Variants in CFAP44 observed in about 807,000 individuals in gnomAD.
CFAP44 encodes cilia- and flagella-associated protein 44.
A neutral mutation model predicts 216.2 loss-of-function variants in CFAP44; 134 were observed. The ratio of observed to expected loss-of-function variants is 0.62; its 90% CI spans 0.54 to 0.72. The LOEUF (loss-of-function observed/expected upper bound fraction) is 0.72, where lower values mean the gene tolerates loss of function less well. Ranked by LOEUF, CFAP44 falls within the 30% of genes least tolerant of loss-of-function variation. The pLI is 0.00. For missense variants in CFAP44, 2,035 were observed against 2,182.1 expected (o/e 0.93, Z 1.34); for synonymous variants, 700 against 727.6 (o/e 0.96, Z 0.61).
chr3:113,331,839 T>G (rs1193876199), intron 25 of CFAP44, among the ~76,000 whole-genome samples: 1 of 152,002 alleles, frequency 6.6e-6, no homozygotes, highest in African/African-American at 2.4e-5. Flanking sequence ...TTTTCAATGA[T>G]TTTCAATTTG....
Position 113,420,199 on chromosome 3 carries a change from GA to G in CFAP44, c.408-21del. 6.3e-7 allele frequency: 1 copy of G among 1,597,964 alleles called. No individual in the cohort carries two copies. The highest frequency in any genetic ancestry group is 8.5e-7 in the Non-Finnish European group (1 of 1,171,660). ...GAATGTCTGAGGGAAAGTTGCTAAG[GA>G]AAAGAAGTGAAAAACACTACCATCC... On this transcript the variant is annotated intron_variant, in intron 4 of 34. Coordinates refer to ENST00000393845, the MANE Select transcript of CFAP44 (RefSeq NM_001164496.2).
chr3:113,302,800 A>G (rs1454620236), intron 32 of CFAP44, among the ~76,000 whole-genome samples: 1 of 151,400 alleles, frequency 6.6e-6, no homozygotes, highest in Non-Finnish European at 1.5e-5. Context: ...AAGAAAAAGA[A>G]AAGAAAAAAG....
At chr3:113,348,741 C>A (rs539532801) in intron 22 of CFAP44, among the ~76,000 whole-genome samples, 1 of 152,128 alleles carries the variant, frequency 6.6e-6, no homozygotes, top group African/African-American at 2.4e-5. Flanking sequence ...TGGCCCAACC[C>A]GGGTACATGT....
In CFAP44 at chr3:113,366,327, T is replaced by G; in HGVS notation, c.2445-18A>C. 1 of 1,588,128 alleles carries G rather than the reference T, an allele frequency of 6.3e-7. No homozygotes were observed. Among genetic ancestry groups the G allele is most frequent in the South Asian group, 1.1e-5 (1 of 87,362 alleles). ...TGTTAATGCTACGAAACAAAAAATGTAAATTGTTCTTCCCATTAATCTGAA... is the reference window on the plus strand; with the variant it reads ...TGTTAATGCTACGAAACAAAAAATGGAAATTGTTCTTCCCATTAATCTGAA... On this transcript the variant is annotated intron_variant, in intron 18 of 34. Transcript: ENST00000393845.
chr3:113,302,925 A>G (rs1318900733), intron 32 of CFAP44, among the ~76,000 whole-genome samples: 2 of 152,202 alleles, frequency 1.3e-5, no homozygotes, highest in East Asian at 3.8e-4. Context: ...TGGACAAAGG[A>G]TAGGACAGGC....
At chr3:113,393,548 A>T (rs977932760) in intron 15 of CFAP44, among the ~76,000 whole-genome samples, 1 of 152,082 alleles carries the variant, frequency 6.6e-6, no homozygotes, top group Non-Finnish European at 1.5e-5. Flanking sequence ...TGTTTGTGAT[A>T]GGGTCTCACT....
At position 113,306,225 on chromosome 3, in the gene CFAP44, CT is replaced by C; in HGVS notation, c.4733del (p.Lys1578ArgfsTer10). 6.5e-7 allele frequency: 1 copy of C among 1,536,550 alleles called. No individual in the cohort carries two copies. The highest frequency in any genetic ancestry group is 8.7e-7 in the Non-Finnish European group (1 of 1,146,596). On this transcript the variant is annotated frameshift_variant, in exon 30 of 35. Transcript: ENST00000393845. LOFTEE classifies it high-confidence loss of function. ...CTTTTTTTGACAATGTATCATATTC[CT>C]TTTTGAGGTTATCAACAATTTTCTT... ...EEKKIVDNLKKEYDTLSKKVK... is the reference protein window; with the variant it reads ...EEKKIVDNLKXEYDTLSKKVK...
intron 2 of CFAP44, among the ~76,000 whole-genome samples, chr3:113,430,218 A>C (rs1349644163): frequency 1.3e-5 from 2 of 152,128 alleles, no homozygotes; most frequent in Admixed American, 1.3e-4. Flanking sequence ...TACACAATAA[A>C]AATAATGCAT....
chr3:113,318,773 C>A (rs1259769221), intron 28 of CFAP44, among the ~76,000 whole-genome samples: 1 of 152,128 alleles, frequency 6.6e-6, no homozygotes, highest in Non-Finnish European at 1.5e-5. Context: ...GGCCTATTTT[C>A]AGTGTCCTTA....
intron 2 of CFAP44, among the ~76,000 whole-genome samples, chr3:113,430,233 C>G (rs916500011): frequency 1.3e-5 from 2 of 150,844 alleles, no homozygotes; most frequent in African/African-American, 4.9e-5. Flanking sequence ...ATGCATGGGT[C>G]AAAGGGAAAT....
rs1431178405 is a variant in CFAP44, at chr3:113,363,193, T to C, written c.2886A>G (p.Leu962=). 3.1e-6 allele frequency: 5 copies of C among 1,612,848 alleles called. No individual in the cohort carries two copies. The highest frequency in any genetic ancestry group is 2.7e-5 in the African/African-American group (2 of 74,922). ...TTGGTAATTTTTCATTCATTTCTAA[T>C]AGATTACAAAATTCACTCCTCAAAG... ...IKALRSEFCN[L]LEMNEKLPKH... is the part of the protein sequence containing the mutation. Residue 962 remains leucine, a synonymous_variant, in exon 21 of 35, where the codon CTA becomes CTG. Coordinates refer to ENST00000393845, the MANE Select transcript of CFAP44 (RefSeq NM_001164496.2).
Position 113,329,069 on chromosome 3 carries a change from T to C in CFAP44, c.4116+1099A>G, listed in dbSNP as rs372917724. On this transcript the variant is annotated intron_variant, in intron 26 of 34. Transcript: ENST00000393845. ...AAAACTTTTGACTGAATATCTATTA[T>C]ATGTTTGACATTGTCCTAGACTATG... 1.3e-4 allele frequency among the ~76,000 whole-genome samples: 20 copies of C among 152,358 alleles called. No homozygotes were observed. In the East Asian group the frequency reaches 3.5e-3, roughly 26 times the overall value.
At chr3:113,437,205 T>G (rs867415649) in intron 1 of CFAP44, among the ~76,000 whole-genome samples, 4 of 152,236 alleles carry the variant, frequency 2.6e-5, no homozygotes, top group African/African-American at 9.6e-5. Context: ...CCTAGTGATT[T>G]GAATCTCATG....
At chr3:113,313,468 G>T (rs13318454) in intron 28 of CFAP44, among the ~76,000 whole-genome samples, 36,584 of 151,942 alleles carry the variant, frequency 0.24, 4,647 homozygotes, top group East Asian at 0.41. Context: ...GCTGAAATGA[G>T]TTAAGACTTT....
chr3:113,388,917 C>T lies in CFAP44; in HGVS notation c.1890+6833G>A, dbSNP rs139463730. ...CTAAAGAAAGAGATCAACCCCAATA[C>T]AACAATAGCTGGAGATTCTAACACC... On this transcript the variant is annotated intron_variant, in intron 15 of 34. Coordinates refer to ENST00000393845, the MANE Select transcript of CFAP44 (RefSeq NM_001164496.2). Among the ~76,000 whole-genome samples, 173 of 152,260 alleles carry T rather than the reference C, an allele frequency of 1.1e-3. 1 individual carries two copies. Among genetic ancestry groups the T allele is most frequent in the African/African-American group, 3.2e-3 (131 of 41,552 alleles).
intron 1 of CFAP44, among the ~76,000 whole-genome samples, chr3:113,440,406 ACT>A (rs769076071): frequency 1.1e-4 from 16 of 152,076 alleles, no homozygotes; most frequent in African/African-American, 2.7e-4. Context: ...CATTATTATT[ACT>A]GTCATTATTT....
chr3:113,324,628 T>C (rs1950174085), intron 28 of CFAP44, among the ~76,000 whole-genome samples: 1 of 152,160 alleles, frequency 6.6e-6, no homozygotes, highest in South Asian at 2.1e-4. Flanking sequence ...AGAGTATCTA[T>C]AAAACACCTA....
intron 8 of CFAP44, among the ~76,000 whole-genome samples, chr3:113,405,676 T>G (rs1008234715): frequency 6.6e-6 from 1 of 152,250 alleles, no homozygotes; most frequent in South Asian, 2.1e-4. Flanking sequence ...TTATTTCTAA[T>G]GCTAAACATT....
At chr3:113,433,429 CAAAAAAAAAAAAAA>C (rs58221881) in intron 2 of CFAP44, 122 bp downstream of exon 2, 85 of 127,766 alleles carry the variant, frequency 6.7e-4, no homozygotes, top group Non-Finnish European at 8.9e-4. Flanking sequence ...AACTCCATCT[CAAAAAAAAAAAAAA>C]AAAAAAAAAA....
Sources: gnomAD v4.1 joint callset for allele counts (sites outside exome capture counted in the v4.1 genomes callset) on GRCh38, gnomAD v4.1.1 for gene constraint, MANE v1.5 for transcripts, NCBI Gene and HGNC (gene_info 2026-07-23, HGNC 2026-07-21) for gene names.